The following LTBP1 variants were observed in gnomAD, a reference collection of about 807,000 sequenced individuals.
LTBP1 encodes latent-transforming growth factor beta-binding protein 1.
LTBP1 carries 129 observed loss-of-function variants against 207.6 expected under a neutral mutation model. That is an observed-to-expected ratio of 0.62 (90% confidence interval 0.54 to 0.72). The LOEUF (loss-of-function observed/expected upper bound fraction) is 0.72. Ranked by LOEUF, LTBP1 falls within the 30% of genes least tolerant of loss-of-function variation. The pLI, the probability that LTBP1 is intolerant of heterozygous loss-of-function variation, is 0.00. For synonymous variants in LTBP1, 963 were observed against 833.7 expected (o/e 1.16, Z -2.67); for missense variants, 2,281 against 2,217.2 (o/e 1.03, Z -0.58).
intron 13 of LTBP1, among the ~76,000 whole-genome samples, chr2:33,260,781 A>G (rs777003314): frequency 1.3e-5 from 2 of 152,182 alleles, no homozygotes; most frequent in Non-Finnish European, 2.9e-5. Context: ...TGGTTGATGT[A>G]TGGAAGTAAT....
intron 3 of LTBP1, among the ~76,000 whole-genome samples, chr2:33,107,149 A>C (rs1422963931): frequency 6.6e-6 from 1 of 152,264 alleles, no homozygotes; most frequent in Non-Finnish European, 1.5e-5. Context: ...ATAGCTTAGA[A>C]GAGAACACGT....
At chr2:32,992,221 G>A (rs1684526369) in intron 2 of LTBP1, among the ~76,000 whole-genome samples, 1 of 152,116 alleles carries the variant, frequency 6.6e-6, no homozygotes, top group South Asian at 2.1e-4. Flanking sequence ...CACGTGAAAT[G>A]CATTGGAAAA....
At chr2:33,062,694 T>C (rs1248256084) in intron 3 of LTBP1, among the ~76,000 whole-genome samples, 2 of 152,182 alleles carry the variant, frequency 1.3e-5, no homozygotes, top group African/African-American at 4.8e-5. Flanking sequence ...CGCCTCTTTA[T>C]CCATGAGAGG....
chr2:33,151,069 T>C (rs1016987177), intron 5 of LTBP1, among the ~76,000 whole-genome samples: 2 of 152,182 alleles, frequency 1.3e-5, no homozygotes, highest in South Asian at 2.1e-4. Context: ...GGTTCATTCA[T>C]ACTGTAGCAT....
chr2:33,344,514 C>A (rs6751758), intron 25 of LTBP1, among the ~76,000 whole-genome samples: 30,583 of 152,050 alleles, frequency 0.2, 4,047 homozygotes, highest in Non-Finnish European at 0.3. Context: ...GAATATCCTC[C>A]TGACCTCTCC....
At chr2:33,250,064 A>G (rs1448716567) in intron 10 of LTBP1, among the ~76,000 whole-genome samples, 1 of 152,192 alleles carries the variant, frequency 6.6e-6, no homozygotes, top group African/African-American at 2.4e-5. Context: ...AACAACACCA[A>G]TCACATCATT....
chr2:33,173,490 C>A (rs972241089), intron 5 of LTBP1, among the ~76,000 whole-genome samples: 37 of 152,270 alleles, frequency 2.4e-4, no homozygotes, highest in East Asian at 1.7e-3. Context: ...CAATAACAGG[C>A]TCTGAAATGG....
intron 24 of LTBP1, among the ~76,000 whole-genome samples, chr2:33,341,785 A>G (rs915208628): frequency 6.7e-6 from 1 of 149,416 alleles, no homozygotes; most frequent in Admixed American, 6.7e-5. Flanking sequence ...GAAAATGCTC[A>G]ATTTTATTAA....
In LTBP1 at chr2:33,398,702, G is replaced by A; in HGVS notation, c.*157G>A. On this transcript the variant is annotated 3_prime_UTR_variant, in exon 34 of 34. Coordinates refer to ENST00000404816, the MANE Select transcript of LTBP1 (RefSeq NM_206943.4). ...CTCTGAAGACAATGAGAGGATTTAG[G>A]ATGAGCCCGATAGGTGTGGCAGACC... The A allele has an allele frequency of 1.6e-6, 1 of 632,298 alleles. No individual in the cohort carries two copies. The highest frequency in any genetic ancestry group is 2.6e-6 in the Non-Finnish European group (1 of 388,008). The allele number at this position is 632,298 out of a possible 1,614,324, so 39.2% of individuals were successfully genotyped here. A position where few individuals can be genotyped will look rare whatever the true frequency, so the allele number is the denominator to read the frequency against.
chr2:33,207,563 A>T (rs2149219618), intron 7 of LTBP1, among the ~76,000 whole-genome samples: 1 of 152,224 alleles, frequency 6.6e-6, no homozygotes. Flanking sequence ...GCCAAAGCAA[A>T]TTTTTTTACA....
intron 2 of LTBP1, among the ~76,000 whole-genome samples, chr2:32,984,257 T>C (rs219143): frequency 0.23 from 34,902 of 152,200 alleles, 4,881 homozygotes; most frequent in Non-Finnish European, 0.32. Flanking sequence ...ATTCGACTTC[T>C]GATACTACAA....
chr2:33,219,909 C>G (rs1045007551), intron 8 of LTBP1, among the ~76,000 whole-genome samples: 2 of 151,594 alleles, frequency 1.3e-5, no homozygotes, highest in Non-Finnish European at 2.9e-5. Context: ...TCGTTTTTGT[C>G]TAGAATTGCG....
At chr2:33,153,675 C>T (rs149729887) in intron 5 of LTBP1, among the ~76,000 whole-genome samples, 62 of 152,320 alleles carry the variant, frequency 4.1e-4, no homozygotes, top group African/African-American at 1.5e-3. Context: ...TTTCCTAATA[C>T]ATATTTGAAT....
intron 19 of LTBP1, among the ~76,000 whole-genome samples, chr2:33,287,521 A>G (rs1447799174): frequency 1.3e-5 from 2 of 152,232 alleles, no homozygotes; most frequent in African/African-American, 4.8e-5. Flanking sequence ...CAATGGCTTG[A>G]GGATTCTAGA....
rs1244958642 is a variant in LTBP1, at chr2:33,252,774, G to C, written c.2097G>C (p.Lys699Asn). 6.2e-7 allele frequency: 1 copy of C among 1,614,058 alleles called. No individual in the cohort carries two copies. Among genetic ancestry groups the C allele is most frequent in the Admixed American group, 1.7e-5 (1 of 60,026 alleles). The change falls in exon 11 of 34, where the codon AAG (lysine) becomes AAC (asparagine). Residue 699 changes from lysine to asparagine, a missense_variant. Physicochemically the swap from Lys to Asn is moderately conservative, Grantham distance 94. Coordinates refer to ENST00000404816, the MANE Select transcript of LTBP1 (RefSeq NM_206943.4). ...CMHPLSVHLT[K>N]QLCCCSVGKA... ...ACCCTCTGTCTGTTCACCTCACCAA[G>C]CAGCTCTGCTGTTGTAGTGTGGGCA...
intron 31 of LTBP1, among the ~76,000 whole-genome samples, chr2:33,379,249 G>GT (rs2095184438): frequency 8.2e-6 from 1 of 121,778 alleles, no homozygotes; most frequent in African/African-American, 3.1e-5. Flanking sequence ...TCATTCTGTT[G>GT]CCCAGGCTGG....
In LTBP1 at chr2:33,262,794, A is replaced by T; in HGVS notation, c.2491A>T (p.Thr831Ser). ...GQPQLSPGIS[T>S]IHLHPQFPVV... is the part of the protein sequence containing the mutation. Reference sequence around the variant, plus strand: ...ACCCCAGCTGTCTCCAGGCATTTCCACTATTCATCTGCATCCACAGTTTCC... The same window carrying T: ...ACCCCAGCTGTCTCCAGGCATTTCCTCTATTCATCTGCATCCACAGTTTCC... The change falls in exon 14 of 34, where the codon ACT (threonine) becomes TCT (serine). Residue 831 changes from threonine (T) to serine (S), a missense_variant. Physicochemically the swap from Thr to Ser is moderately conservative, Grantham distance 58. Transcript: ENST00000404816. The T allele has an allele frequency of 3.7e-6, 6 of 1,606,432 alleles. No homozygotes were observed. The highest frequency in any genetic ancestry group is 5.1e-6 in the Non-Finnish European group (6 of 1,175,348).
Position 33,378,863 on chromosome 2 carries a change from G to T in LTBP1, c.4712-10321G>T, listed in dbSNP as rs546791458. 3.9e-5 allele frequency among the ~76,000 whole-genome samples: 6 copies of T among 152,308 alleles called. No homozygotes were observed. In the South Asian group the frequency reaches 1.2e-3, roughly 32 times the overall value. On this transcript the variant is annotated intron_variant, in intron 31 of 33. Transcript: ENST00000404816. ...GTAAATTTTATTCTCCTTTTATGCC[G>T]CAGACAGATTGTGCCCCTTATGATT...
chr2:33,183,842 A>G (rs961210896), intron 5 of LTBP1, among the ~76,000 whole-genome samples: 1 of 152,156 alleles, frequency 6.6e-6, no homozygotes, highest in Non-Finnish European at 1.5e-5. Flanking sequence ...CCAAGACCTC[A>G]CAGAGTAGTT....
Sources: allele counts gnomAD v4.1 joint callset (sites outside exome capture counted in the v4.1 genomes callset), GRCh38; gene constraint gnomAD v4.1.1; transcripts MANE v1.5; gene names NCBI Gene and HGNC (gene_info 2026-07-23, HGNC 2026-07-21).